Variants in DICER1 observed in about 807,000 individuals in gnomAD.
The protein encoded by DICER1 is endoribonuclease Dicer.
DICER1 carries 43 observed loss-of-function variants against 194.1 expected under a neutral mutation model. That is an observed-to-expected ratio of 0.22 (90% CI 0.17 to 0.29). DICER1 has a LOEUF of 0.29. Ranked by LOEUF, DICER1 falls within the 10% of genes least tolerant of loss-of-function variation. DICER1 has a pLI of 1.00. For missense variants in DICER1, 1,608 were observed against 2,317.0 expected (o/e 0.69, Z 6.28); for synonymous variants, 832 against 820.5 (o/e 1.01, Z -0.24).
chr14:95,133,735 T>G lies in DICER1; in HGVS notation c.-45-232A>C, dbSNP rs11629124. Reference sequence around the variant, plus strand: ...GTCTTAAAGAATGAATCAAGCAACTTCACAAAGAGATGTACATGAATATTT... The same window carrying G: ...GTCTTAAAGAATGAATCAAGCAACTGCACAAAGAGATGTACATGAATATTT... On this transcript the variant is annotated intron_variant, in intron 1 of 26. Coordinates refer to ENST00000343455, the MANE Select transcript of DICER1 (RefSeq NM_177438.3). Among the ~76,000 whole-genome samples, 138,051 of 152,238 alleles carry G rather than the reference T, an allele frequency of 0.91. 62,951 individuals are homozygous for G. Among genetic ancestry groups the G allele is most frequent in the African/African-American group, 0.96 (40,045 of 41,556 alleles).
chr14:95,133,765 T>C (rs961388270), intron 1 of DICER1, among the ~76,000 whole-genome samples: 7 of 152,232 alleles, frequency 4.6e-5, no homozygotes, highest in African/African-American at 1.2e-4. Context: ...ATATTTGTTG[T>C]TGCATTATTA....
chr14:95,117,606 T>A lies in DICER1; in HGVS notation c.1509+16A>T, dbSNP rs201947254. 1 of 1,613,960 alleles carries A rather than the reference T, an allele frequency of 6.2e-7. No individual in the cohort carries two copies. The highest frequency in any genetic ancestry group is 8.5e-7 in the Non-Finnish European group (1 of 1,179,826). ...CCCGAAAACTGTTATTGTACACTTA[T>A]TTTGATTTAAGTTACCTCTTCCTGT... is the stretch of plus-strand genomic sequence containing the variant. On this transcript the variant is annotated intron_variant, in intron 9 of 26. Coordinates refer to ENST00000343455, the MANE Select transcript of DICER1 (RefSeq NM_177438.3).
At chr14:95,141,338 C>T (rs1399248383) in intron 1 of DICER1, among the ~76,000 whole-genome samples, 1 of 152,086 alleles carries the variant, frequency 6.6e-6, no homozygotes, top group East Asian at 1.9e-4. Context: ...TAATGTCGGG[C>T]ATAAATTTAA....
intron 1 of DICER1, chr14:95,134,320 A>G (rs1328976515): frequency 2.6e-5 from 4 of 152,222 alleles, no homozygotes; most frequent in Admixed American, 2.6e-4. Flanking sequence ...GATAAATTTG[A>G]TTATGTAAAA....
intron 6 of DICER1, among the ~76,000 whole-genome samples, chr14:95,127,152 A>G (rs1169773273): frequency 2.0e-5 from 3 of 152,200 alleles, no homozygotes; most frequent in Admixed American, 2.0e-4. Context: ...CTCTGTCTAA[A>G]CAAAACTCAG....
At chr14:95,118,929 C>T (rs1453475624) in intron 8 of DICER1, among the ~76,000 whole-genome samples, 3 of 152,150 alleles carry the variant, frequency 2.0e-5, no homozygotes, top group Admixed American at 6.5e-5. Context: ...CAAACTACAG[C>T]TTGTAGTTCA....
chr14:95,128,165 T>C lies in DICER1; in HGVS notation c.734+1307A>G, dbSNP rs541719851. ...GCACATAATATCCTAAAAGTACATA[T>C]GATAATTTTAATAAAAGAAATCTAG... On this transcript the variant is annotated intron_variant, in intron 6 of 26. Transcript: ENST00000343455. Among the ~76,000 whole-genome samples, 4 of 152,350 alleles carry C rather than the reference T, an allele frequency of 2.6e-5. No individual in the cohort carries two copies. The East Asian group carries it at 7.7e-4, about 29-fold the overall frequency.
chr14:95,108,716 A>G (rs1891685481), intron 14 of DICER1, among the ~76,000 whole-genome samples: 1 of 152,258 alleles, frequency 6.6e-6, no homozygotes, highest in African/African-American at 2.4e-5. Flanking sequence ...CCAAGTTCAC[A>G]TACATTATAA....
At chr14:95,156,576 T>C (rs1205064579) in intron 1 of DICER1, among the ~76,000 whole-genome samples, 1 of 152,212 alleles carries the variant, frequency 6.6e-6, no homozygotes, top group African/African-American at 2.4e-5. Context: ...ACTTAAAACA[T>C]ACACTGATTT....
At position 95,126,553 on chromosome 14, in the gene DICER1, C is replaced by A. The variant is rs765181240; in HGVS notation, c.903+27G>T. ...ATTAACAAAGCTTTCAAAATATAATCACTATACCTACTTGGTATATGCTTA... is the reference window on the plus strand; with the variant it reads ...ATTAACAAAGCTTTCAAAATATAATAACTATACCTACTTGGTATATGCTTA... On this transcript the variant is annotated intron_variant, in intron 7 of 26. Coordinates refer to ENST00000343455, the MANE Select transcript of DICER1 (RefSeq NM_177438.3). The A allele has an allele frequency of 5.2e-6, 7 of 1,357,202 alleles. No individual in the cohort carries two copies. The South Asian group carries it at 8.4e-5, about 16-fold the overall frequency. 84.1% of individuals were successfully genotyped at this position (1,357,202 alleles called of 1,614,324 possible). A position where few individuals can be genotyped will look rare whatever the true frequency, so the allele number is the denominator to read the frequency against.
intron 1 of DICER1, among the ~76,000 whole-genome samples, chr14:95,146,761 G>A (rs561989079): frequency 6.6e-5 from 10 of 152,164 alleles, no homozygotes; most frequent in Non-Finnish European, 1.0e-4. Context: ...GCCCGGACAC[G>A]GGGGTCACCA....
Position 95,105,715 on chromosome 14 carries a change from T to C in DICER1, c.3056A>G (p.Lys1019Arg). The C allele has an allele frequency of 6.2e-7, 1 of 1,614,198 alleles. No homozygotes were observed. The highest frequency in any genetic ancestry group is 8.5e-7 in the Non-Finnish European group (1 of 1,179,988). The change falls in exon 19 of 27, where the codon AAG becomes AGG. Residue 1019 changes from lysine (K) to arginine (R), a missense_variant. Physicochemically the swap from Lys to Arg is conservative, Grantham distance 26 (BLOSUM62 2). Around this residue, in one of 10 missense-constraint regions of DICER1, gnomAD observed 79 missense variants for 176.1 expected, o/e 0.45. Coordinates refer to ENST00000343455, the MANE Select transcript of DICER1 (RefSeq NM_177438.3). This position sits in a 1 kb window ranked among gnomAD's most constrained non-coding sequence, Gnocchi z 4.9. ...CAGACTTTCCCATTTGGCTTTCCTC[T>C]TCTCAGCACTGCTTAAAGGAAGCGC... ...GKALPLSSAE[K>R]RKAKWESLQN...
intron 12 of DICER1, 69 bp downstream of exon 12, chr14:95,113,023 A>C: frequency 6.5e-7 from 1 of 1,532,432 alleles, no homozygotes; most frequent in Admixed American, 1.7e-5. Flanking sequence ...TGCAAGTCTT[A>C]GAAAAGCTGA....
chr14:95,096,786 A>C, intron 22 of DICER1, 73 bp from the exon 23 acceptor site: 1 of 1,503,832 alleles, frequency 6.6e-7, no homozygotes. Flanking sequence ...ACTCAATAAA[A>C]GCAAGGGTTA....
intron 8 of DICER1, among the ~76,000 whole-genome samples, chr14:95,122,676 T>A (rs1225916979): frequency 6.6e-6 from 1 of 152,210 alleles, no homozygotes; most frequent in African/African-American, 2.4e-5. Context: ...CTCTTTCTCA[T>A]TTTTACAAAA....
intron 6 of DICER1, among the ~76,000 whole-genome samples, chr14:95,128,757 T>A (rs919086914): frequency 1.2e-4 from 19 of 152,246 alleles, no homozygotes; most frequent in African/African-American, 4.6e-4. Flanking sequence ...ACTTGAGAAA[T>A]CAGTCTCCGC....
intron 4 of DICER1, among the ~76,000 whole-genome samples, chr14:95,130,948 TTG>T (rs1893898703): frequency 6.6e-6 from 1 of 152,226 alleles, no homozygotes; most frequent in Non-Finnish European, 1.5e-5. Flanking sequence ...TCATAGGAAT[TTG>T]TGTTTTTCAA....
rs1891556732 is a variant in DICER1, at chr14:95,107,659, G to A, written c.2753C>T (p.Thr918Ile). The A allele has an allele frequency of 6.2e-7, 1 of 1,608,686 alleles. No individual in the cohort carries two copies. Among genetic ancestry groups the A allele is most frequent in the East Asian group, 2.2e-5 (1 of 44,554 alleles). Residue 918 changes from threonine (T) to isoleucine (I), a missense_variant, in exon 17 of 27, where the codon ACA becomes ATA. Thr to Ile is a moderately conservative substitution (Grantham distance 89). Around this residue, in one of 10 missense-constraint regions of DICER1, gnomAD observed 150 missense variants for 216.0 expected, o/e 0.69. Coordinates refer to ENST00000343455, the MANE Select transcript of DICER1 (RefSeq NM_177438.3). Reference sequence around the variant, plus strand: ...ATCTTCTAATTTAAAAACAAAGGGTGTTTCTTTTGTATACTTTGTACTGGG... The same window carrying A: ...ATCTTCTAATTTAAAAACAAAGGGTATTTCTTTTGTATACTTTGTACTGGG... The part of the protein sequence containing the change: ...GIPSTKYTKE[T>I]PFVFKLEDYQ...
chr14:95,131,738 T>C (rs956652660), intron 3 of DICER1, 99 bp from the exon 4 acceptor site: 1 of 1,106,564 alleles, frequency 9.0e-7, no homozygotes, highest in African/African-American at 1.5e-5. Context: ...TCCTTATTAT[T>C]ATATTAGACC....
Sources: allele counts gnomAD v4.1 joint callset (sites outside exome capture counted in the v4.1 genomes callset), GRCh38; gene constraint gnomAD v4.1.1; regional missense constraint gnomAD v4.1.1; non-coding constraint Gnocchi (gnomAD v3.1); transcripts MANE v1.5; gene names NCBI Gene and HGNC (gene_info 2026-07-23, HGNC 2026-07-21).